The following CRYZ variants were observed in gnomAD, a reference collection of about 807,000 sequenced individuals.
CRYZ encodes crystallin zeta.
CRYZ carries 35 observed loss-of-function variants against 34.1 expected under a neutral mutation model. The observed-to-expected ratio is 1.03, with a 90% CI of 0.78 to 1.36. CRYZ has a LOEUF of 1.36. Ranked by LOEUF, CRYZ falls within the 40% of genes most tolerant of loss-of-function variation. The probability of loss-of-function intolerance (pLI) is 0.00; values close to 1 mark genes in which losing one functional copy is unlikely to be tolerated. For missense variants in CRYZ, 403 were observed against 391.8 expected (o/e 1.03, Z -0.24); for synonymous variants, 137 against 136.5 (o/e 1.00, Z -0.03).
At chr1:74,719,184 T>A in intron 4 of CRYZ, 25 bp downstream of exon 4, 2 of 1,607,662 alleles carry the variant, frequency 1.2e-6, no homozygotes, top group Non-Finnish European at 1.7e-6. Context: ...GCATTGGCCA[T>A]AAAATTGACA....
At chr1:74,708,567 G>A (rs1646961221) in intron 6 of CRYZ, 1 of 152,154 alleles carries the variant, frequency 6.6e-6, no homozygotes. Flanking sequence ...TGAAAGGCAT[G>A]TCAGAGATGA....
chr1:74,725,320 C>T (rs963453922), intron 1 of CRYZ, among the ~76,000 whole-genome samples: 2 of 152,186 alleles, frequency 1.3e-5, no homozygotes, highest in African/African-American at 4.8e-5. Flanking sequence ...AATGGACTTG[C>T]AGTTCCACAT....
Position 74,719,374 on chromosome 1 carries a change from T to G in CRYZ, c.265-2A>C. The G allele has an allele frequency of 6.2e-7, 1 of 1,606,874 alleles. No homozygotes were observed. Among genetic ancestry groups the G allele is most frequent in the Non-Finnish European group, 8.5e-7 (1 of 1,174,438 alleles). ...GCTAGTGAAAACTCTGTCACCTTTC[T>G]AGGGGAAGAGATAAATGAATAAATG... On this transcript the variant is annotated splice_acceptor_variant, in intron 3 of 8. Transcript: ENST00000340866. LOFTEE classifies it high-confidence loss of function.
rs1351794447 is a variant in CRYZ at position 74,723,146 on chromosome 1, G to C, written c.236C>G (p.Ala79Gly). ...PGSDVAGVIEAVGDNASAFKK... is the reference protein window; with the variant it reads ...PGSDVAGVIEGVGDNASAFKK... ...GAAAGCAGATGCATTATCTCCAACAGCTTCTATCACCCCAGCCACATCTGA... is the reference window on the plus strand; with the variant it reads ...GAAAGCAGATGCATTATCTCCAACACCTTCTATCACCCCAGCCACATCTGA... Residue 79 changes from alanine (A) to glycine (G), a missense_variant, in exon 3 of 9, where the codon GCT becomes GGT. Transcript: ENST00000340866. 5 of 1,613,066 alleles carry C rather than the reference G, an allele frequency of 3.1e-6. No individual in the cohort carries two copies. The South Asian group carries it at 5.5e-5, about 18-fold the overall frequency.
chr1:74,706,035 A>C lies in CRYZ; in HGVS notation c.*261T>G. The C allele has an allele frequency of 3.1e-6, 1 of 317,644 alleles. No homozygotes were observed. Among genetic ancestry groups the C allele is most frequent in the Non-Finnish European group, 5.8e-6 (1 of 173,092 alleles). The allele number at this position is 317,644 out of a possible 1,614,324, so 19.7% of individuals were successfully genotyped here. A position where few individuals can be genotyped will look rare whatever the true frequency, so the allele number is the denominator to read the frequency against. On this transcript the variant is annotated 3_prime_UTR_variant, in exon 9 of 9. Transcript: ENST00000340866. ...CAAATATCAATTAAGAATTACTGGA[A>C]TGCACACTCATGCCAAATGACAACT... is the stretch of plus-strand genomic sequence containing the variant.
At chr1:74,729,264 T>C (rs1570027256) in intron 1 of CRYZ, among the ~76,000 whole-genome samples, 1 of 152,006 alleles carries the variant, frequency 6.6e-6, no homozygotes, top group East Asian at 1.9e-4. Flanking sequence ...CTTGATGCTG[T>C]TTCCTCATCT....
At chr1:74,731,940 C>A (rs965519051) in intron 1 of CRYZ, among the ~76,000 whole-genome samples, 4 of 152,134 alleles carry the variant, frequency 2.6e-5, no homozygotes, top group Non-Finnish European at 5.9e-5. Flanking sequence ...GTCACAGGGT[C>A]AATAAAACTA....
In CRYZ at chr1:74,719,642, C is replaced by T. The variant is rs560818540; in HGVS notation, c.265-270G>A. Among the ~76,000 whole-genome samples the T allele has an allele frequency of 1.2e-4, 18 of 151,788 alleles. 1 individual carries two copies. The highest frequency in any genetic ancestry group is 2.0e-4 in the Admixed American group (3 of 15,224). ...TCCTGAGTAGCTAGGATTACAGGCG[C>T]GCACCACCACACCCGGCTGATTTTT... is the stretch of plus-strand genomic sequence containing the variant. On this transcript the variant is annotated intron_variant, in intron 3 of 8. Transcript: ENST00000340866.
chr1:74,709,741 T>G (rs1362299599), intron 6 of CRYZ, among the ~76,000 whole-genome samples: 1 of 152,148 alleles, frequency 6.6e-6, no homozygotes, highest in Non-Finnish European at 1.5e-5. Context: ...TATCTCACCT[T>G]CCATGGAGAA....
chr1:74,707,248 A>T, intron 6 of CRYZ, 44 bp from the exon 7 acceptor site: 1 of 1,057,070 alleles, frequency 9.5e-7, no homozygotes, highest in Non-Finnish European at 1.4e-6. Context: ...GCAAGTGAAA[A>T]ACTGTAAAAT....
At chr1:74,714,063 G>T (rs1480291840) in intron 5 of CRYZ, among the ~76,000 whole-genome samples, 3 of 151,900 alleles carry the variant, frequency 2.0e-5, no homozygotes, top group African/African-American at 7.3e-5. Context: ...GTGGTGTTAA[G>T]GACAGGGCTG....
rs760229316 is a variant in CRYZ, at chr1:74,710,238, C to T, written c.490G>A (p.Ala164Thr). Reference sequence around the variant, plus strand: ...TAAGCTCTAGCAATTTGGCATGCTGCTAATCCAACCTGAAAAACAAATATA... The same window carrying T: ...TAAGCTCTAGCAATTTGGCATGCTGTTAATCCAACCTGAAAAACAAATATA... ...VHGASGGVGL[A>T]ACQIARAYGL... is the part of the protein sequence containing the mutation. Residue 164 changes from alanine to threonine, a missense_variant, in exon 6 of 9, where the codon GCA (alanine) becomes ACA (threonine). Physicochemically the swap from Ala to Thr is moderately conservative, Grantham distance 58. Coordinates refer to ENST00000340866, the MANE Select transcript of CRYZ (RefSeq NM_001889.4). The T allele has an allele frequency of 5.5e-5, 88 of 1,613,396 alleles. No individual in the cohort carries two copies. The highest frequency in any genetic ancestry group is 7.0e-5 in the Non-Finnish European group (82 of 1,179,758).
At chr1:74,728,359 CAG>C (rs1265818154) in intron 1 of CRYZ, among the ~76,000 whole-genome samples, 6 of 152,154 alleles carry the variant, frequency 3.9e-5, no homozygotes, top group African/African-American at 1.4e-4. Flanking sequence ...AACATTTGTA[CAG>C]AAAGTTATAT....
chr1:74,724,635 GCTT>G (rs1379312249), intron 2 of CRYZ, 73 bp downstream of exon 2: 5 of 891,072 alleles, frequency 5.6e-6, no homozygotes, highest in Admixed American at 5.0e-5. Flanking sequence ...TTGTGAGTCT[GCTT>G]CTTTTTAATA....
intron 1 of CRYZ, among the ~76,000 whole-genome samples, chr1:74,729,646 CAA>C (rs143083074): frequency 4.2e-4 from 29 of 68,410 alleles, no homozygotes; most frequent in Admixed American, 5.3e-4. Flanking sequence ...GACCCTGTCT[CAA>C]AAAAAAAAAA....
chr1:74,720,248 G>A (rs991379556), intron 3 of CRYZ, among the ~76,000 whole-genome samples: 1 of 150,624 alleles, frequency 6.6e-6, no homozygotes, highest in African/African-American at 2.4e-5. Context: ...CCTCACCCCT[G>A]CATTGCCGTT....
intron 4 of CRYZ, among the ~76,000 whole-genome samples, chr1:74,717,398 AACTG>A (rs1179940714): frequency 6.6e-6 from 1 of 152,166 alleles, no homozygotes; most frequent in African/African-American, 2.4e-5. Flanking sequence ...ATTGAAAAGG[AACTG>A]ACTAATGTCA....
intron 8 of CRYZ, 51 bp downstream of exon 8, chr1:74,706,848 A>G: frequency 6.7e-7 from 1 of 1,488,182 alleles, no homozygotes; most frequent in Non-Finnish European, 9.4e-7. Context: ...CTGAGTAGGC[A>G]AACTGTACCA....
In CRYZ at chr1:74,719,375, AG is replaced by A. The variant is rs755089362; in HGVS notation, c.265-4del. 3.1e-6 allele frequency: 5 copies of A among 1,606,374 alleles called. No individual in the cohort carries two copies. The African/African-American group carries it at 6.7e-5, about 21-fold the overall frequency. On this transcript the variant is annotated splice_region_variant and splice_polypyrimidine_tract_variant and intron_variant, in intron 3 of 8. Coordinates refer to ENST00000340866, the MANE Select transcript of CRYZ (RefSeq NM_001889.4). ...CTAGTGAAAACTCTGTCACCTTTCT[AG>A]GGGAAGAGATAAATGAATAAATGCA...
Sources: allele counts gnomAD v4.1 joint callset (sites outside exome capture counted in the v4.1 genomes callset), GRCh38; gene constraint gnomAD v4.1.1; transcripts MANE v1.5; gene names NCBI Gene and HGNC (gene_info 2026-07-23, HGNC 2026-07-21).